The following ZBTB5 variants were observed in gnomAD, a reference collection of about 807,000 sequenced individuals.
ZBTB5 encodes zinc finger and BTB domain containing 5.
A neutral mutation model predicts 37.9 loss-of-function variants in ZBTB5; 15 were observed. That is an observed-to-expected ratio of 0.40 (90% CI 0.26 to 0.61). The LOEUF is 0.61. ZBTB5 is among the 20% of genes least tolerant of loss of function. The pLI is 0.47. For synonymous variants in ZBTB5, 315 were observed against 312.4 expected, an observed-to-expected ratio of 1.01 and a Z score of -0.09; for missense variants, 708 against 856.8, an observed-to-expected ratio of 0.83 and a Z score of 2.17.
rs1823834455 is a variant in ZBTB5, at chr9:37,440,216, ACTT to A, written c.*299_*301del. On this transcript the variant is annotated 3_prime_UTR_variant, in exon 2 of 2. Coordinates refer to ENST00000307750, the MANE Select transcript of ZBTB5 (RefSeq NM_014872.3). Reference sequence around the variant, plus strand: ...AAAATTGCTAAAAAATTTTTTTTGCACTTCAATTTTTAAATTTTTAAATGTGCC... The same window carrying A: ...AAAATTGCTAAAAAATTTTTTTTGCACAATTTTTAAATTTTTAAATGTGCC... The A allele has an allele frequency of 2.9e-6, 1 of 340,386 alleles. No individual in the cohort carries two copies. The highest frequency in any genetic ancestry group is 4.6e-5 in the Admixed American group (1 of 21,748). 21.1% of individuals were successfully genotyped at this position (340,386 alleles called of 1,614,324 possible).
At chr9:37,451,003 C>T (rs188670153) in intron 1 of ZBTB5, among the ~76,000 whole-genome samples, 97 of 151,744 alleles carry the variant, frequency 6.4e-4, no homozygotes, top group African/African-American at 2.3e-3. Context: ...CATGGTGAGA[C>T]CCCCGTCTCT....
At chr9:37,455,424 TC>T (rs1218842454) in intron 1 of ZBTB5, among the ~76,000 whole-genome samples, 1 of 152,178 alleles carries the variant, frequency 6.6e-6, no homozygotes, top group Admixed American at 6.5e-5. Context: ...ACCCAATTCT[TC>T]CTGGATGCTG....
chr9:37,458,550 A>G (rs987083768), intron 1 of ZBTB5, among the ~76,000 whole-genome samples: 1 of 152,386 alleles, frequency 6.6e-6, no homozygotes, highest in African/African-American at 2.4e-5. Flanking sequence ...TTTAAATAAG[A>G]TAACTTAGTA....
chr9:37,455,168 GCAGA>G (rs940248510), intron 1 of ZBTB5, among the ~76,000 whole-genome samples: 1 of 152,144 alleles, frequency 6.6e-6, no homozygotes, highest in African/African-American at 2.4e-5. Context: ...AGGCAGATGA[GCAGA>G]CAAACAGAAT....
In ZBTB5 at chr9:37,440,271, T is replaced by TTC. The variant is rs1190434501; in HGVS notation, c.*245_*246dup. 1.0e-5 allele frequency: 5 copies of TTC among 480,314 alleles called. No homozygotes were observed. Among genetic ancestry groups the TTC allele is most frequent in the East Asian group, 1.0e-4 (3 of 29,810 alleles). 29.8% of individuals were successfully genotyped at this position (480,314 alleles called of 1,614,324 possible). On this transcript the variant is annotated 3_prime_UTR_variant, in exon 2 of 2. Coordinates refer to ENST00000307750, the MANE Select transcript of ZBTB5 (RefSeq NM_014872.3). ...CTTTTAATATCAATTACAAACTACT[T>TTC]TCTGACTGCATTACTCAACCCCAAG...
At chr9:37,461,208 A>T (rs922246061) in intron 1 of ZBTB5, among the ~76,000 whole-genome samples, 2 of 152,214 alleles carry the variant, frequency 1.3e-5, no homozygotes, top group Non-Finnish European at 2.9e-5. Context: ...ATGCCCAAAC[A>T]CTGGATTTTG....
intron 1 of ZBTB5, among the ~76,000 whole-genome samples, chr9:37,456,092 AGGT>A (rs1301781727): frequency 6.6e-6 from 1 of 152,016 alleles, no homozygotes; most frequent in Non-Finnish European, 1.5e-5. Context: ...CTGGGACTAC[AGGT>A]GCGTGTCACC....
intron 1 of ZBTB5, among the ~76,000 whole-genome samples, chr9:37,461,492 C>T (rs1824292420): frequency 6.6e-6 from 1 of 152,200 alleles, no homozygotes; most frequent in African/African-American, 2.4e-5. Flanking sequence ...CTTTGGGAGG[C>T]CAAGGCAGTC....
At chr9:37,449,338 T>A (rs1254237419) in intron 1 of ZBTB5, among the ~76,000 whole-genome samples, 1 of 152,210 alleles carries the variant, frequency 6.6e-6, no homozygotes, top group African/African-American at 2.4e-5. Context: ...GCTTCTGCAT[T>A]CAGGCTTGTG....
chr9:37,464,720 G>A (rs1357158536), intron 1 of ZBTB5, among the ~76,000 whole-genome samples: 2 of 152,238 alleles, frequency 1.3e-5, no homozygotes, highest in Non-Finnish European at 2.9e-5. Flanking sequence ...CTCATAACAA[G>A]TTGGGGCATT....
intron 1 of ZBTB5, among the ~76,000 whole-genome samples, chr9:37,462,369 G>A (rs981693028): frequency 1.3e-5 from 2 of 152,020 alleles, no homozygotes; most frequent in South Asian, 2.1e-4. Flanking sequence ...CCTCCAAGCC[G>A]AAGACAGTTT....
intron 1 of ZBTB5, among the ~76,000 whole-genome samples, chr9:37,461,073 C>T (rs1564314934): frequency 6.6e-6 from 1 of 152,146 alleles, no homozygotes; most frequent in African/African-American, 2.4e-5. Context: ...ATCAATAATG[C>T]TCAGCAAGTG....
In ZBTB5 at chr9:37,441,195, C is replaced by T. The variant is rs1252375526; in HGVS notation, c.1357G>A (p.Gly453Arg). 3.7e-6 allele frequency: 6 copies of T among 1,614,156 alleles called. No homozygotes were observed. The highest frequency in any genetic ancestry group is 5.1e-6 in the Non-Finnish European group (6 of 1,180,034). Residue 453 changes from glycine (G) to arginine (R), a missense_variant, in exon 2 of 2, where the codon GGG becomes AGG. Coordinates refer to ENST00000307750, the MANE Select transcript of ZBTB5 (RefSeq NM_014872.3). Reference protein sequence around the residue: ...EAPYLLSPEAGPAGGPSSAPG... With the variant: ...EAPYLLSPEARPAGGPSSAPG... ...GCAGAGGAGGGCCCACCTGCAGGCC[C>T]AGCCTCTGGACTCAACAAATAGGGG... is the stretch of plus-strand genomic sequence containing the variant.
chr9:37,458,034 T>C (rs1824224269), intron 1 of ZBTB5, among the ~76,000 whole-genome samples: 1 of 152,218 alleles, frequency 6.6e-6, no homozygotes, highest in Non-Finnish European at 1.5e-5. Context: ...AAGCAGCACA[T>C]CAGCCAGAGT....
rs368319329 is a variant in ZBTB5, at chr9:37,455,151, G to T, written c.-5+10064C>A. On this transcript the variant is annotated intron_variant, in intron 1 of 1. Transcript: ENST00000307750. ...TACACATATAAACCCCAAACCCCAG[G>T]TTCCACAGGCAGATGAGCAGACAAA... Among the ~76,000 whole-genome samples the T allele has an allele frequency of 2.6e-5, 4 of 152,262 alleles. No homozygotes were observed. The East Asian group carries it at 7.7e-4, about 29-fold the overall frequency.
chr9:37,453,174 T>C (rs1162751388), intron 1 of ZBTB5, among the ~76,000 whole-genome samples: 2 of 152,130 alleles, frequency 1.3e-5, no homozygotes, highest in African/African-American at 4.8e-5. Context: ...AGATGCCACA[T>C]GTCTGTCTGT....
At chr9:37,448,060 G>T (rs1455922624) in intron 1 of ZBTB5, among the ~76,000 whole-genome samples, 1 of 152,074 alleles carries the variant, frequency 6.6e-6, no homozygotes, top group Non-Finnish European at 1.5e-5. Flanking sequence ...AATTTTCCAA[G>T]AGCCAGGGGA....
chr9:37,451,777 TG>T (rs1195620449), intron 1 of ZBTB5, among the ~76,000 whole-genome samples: 1 of 152,084 alleles, frequency 6.6e-6, no homozygotes, highest in Non-Finnish European at 1.5e-5. Context: ...GAGTGCTGAT[TG>T]GTTGGCTTAG....
chr9:37,440,694 TGCA>T lies in ZBTB5; in HGVS notation c.1855_1857del (p.Cys619del). 1 of 1,614,276 alleles carries T rather than the reference TGCA, an allele frequency of 6.2e-7. No individual in the cohort carries two copies. The highest frequency in any genetic ancestry group is 8.5e-7 in the Non-Finnish European group (1 of 1,180,044). ...CAATCTGTCAAAGTCAGAAAAGTTT[TGCA>T]GCAGATTTTGCAGGCATACTTGCGA... On this transcript the variant is annotated inframe_deletion, in exon 2 of 2. Transcript: ENST00000307750.
Sources: gnomAD v4.1 joint callset for allele counts (sites outside exome capture counted in the v4.1 genomes callset) on GRCh38, gnomAD v4.1.1 for gene constraint, MANE v1.5 for transcripts, NCBI Gene and HGNC (gene_info 2026-07-23, HGNC 2026-07-21) for gene names.